FMN1: variants seen among roughly 807,000 people sequenced by gnomAD.
FMN1 encodes the protein formin 1, also known as formin-1.
A neutral mutation model predicts 132.4 loss-of-function variants in FMN1; 110 were observed. That is an observed-to-expected ratio of 0.83 (90% CI 0.71 to 0.97). The LOEUF (loss-of-function observed/expected upper bound fraction) is 0.97. Ranked by LOEUF, FMN1 falls within the 50% of genes least tolerant of loss-of-function variation. The pLI, the probability that FMN1 is intolerant of heterozygous loss-of-function variation, is 0.00. For synonymous variants in FMN1, 722 were observed against 651.7 expected, an observed-to-expected ratio of 1.11 and a Z score of -1.64; for missense variants, 1,792 against 1,705.3, an observed-to-expected ratio of 1.05 and a Z score of -0.90.
At chr15:32,992,169 C>G (rs150803381) in intron 7 of FMN1, among the ~76,000 whole-genome samples, 236 of 152,196 alleles carry the variant, frequency 1.6e-3, no homozygotes, top group African/African-American at 5.4e-3. Flanking sequence ...TGTTTTATAG[C>G]AAAAGGAAAG....
intron 7 of FMN1, among the ~76,000 whole-genome samples, chr15:32,972,702 C>T (rs1163174278): frequency 2.6e-5 from 4 of 152,088 alleles, no homozygotes; most frequent in Non-Finnish European, 5.9e-5. Flanking sequence ...TTTTCCTTAT[C>T]ACACTATACA....
Position 32,798,934 on chromosome 15 carries a change from A to G in FMN1, c.4000T>C (p.Tyr1334His), listed in dbSNP as rs2057383957. ...CCAGACTTTGGCTTCATCCCAAAAT[A>G]TCGTACTGTTGTTTCAAAACTGCAA... ...AQKSFETTVR[Y>H]FGMKPKSGEK... Residue 1334 changes from tyrosine (Y) to histidine (H), a missense_variant, in exon 19 of 21, where the codon TAT (tyrosine) becomes CAT (histidine). Tyr to His is a moderately conservative substitution (Grantham distance 83). Transcript: ENST00000616417. The G allele has an allele frequency of 6.2e-7, 1 of 1,613,494 alleles. No individual in the cohort carries two copies. The highest frequency in any genetic ancestry group is 8.5e-7 in the Non-Finnish European group (1 of 1,179,750).
At chr15:32,889,047 G>T (rs966805158) in intron 15 of FMN1, among the ~76,000 whole-genome samples, 1 of 152,002 alleles carries the variant, frequency 6.6e-6, no homozygotes, top group African/African-American at 2.4e-5. Context: ...AGAGACGGGG[G>T]TCTCACCATG....
intron 4 of FMN1, among the ~76,000 whole-genome samples, chr15:33,143,289 C>T (rs1369240294): frequency 6.6e-6 from 1 of 152,114 alleles, no homozygotes; most frequent in Non-Finnish European, 1.5e-5. Context: ...ATAATAATCA[C>T]ATGATATGAC....
intron 4 of FMN1, among the ~76,000 whole-genome samples, chr15:33,127,265 C>T (rs1566940127): frequency 6.6e-6 from 1 of 152,134 alleles, no homozygotes; most frequent in African/African-American, 2.4e-5. Flanking sequence ...GATCTCCCTC[C>T]TTATTCTTCA....
At chr15:33,067,408 C>A (rs1472710154) in intron 5 of FMN1, 1 of 1,614,020 alleles carries the variant, frequency 6.2e-7, no homozygotes, top group African/African-American at 1.3e-5. Context: ...TGCTGCTTCC[C>A]TCCTCTGGCT....
At chr15:32,933,826 A>C (rs2061186582) in intron 9 of FMN1, among the ~76,000 whole-genome samples, 1 of 151,568 alleles carries the variant, frequency 6.6e-6, no homozygotes, top group South Asian at 2.1e-4. Context: ...TTTTAAATTA[A>C]CTCTTGGAAT....
intron 17 of FMN1, among the ~76,000 whole-genome samples, chr15:32,832,239 C>G (rs1364861257): frequency 1.3e-5 from 2 of 152,192 alleles, no homozygotes; most frequent in African/African-American, 2.4e-5. Flanking sequence ...AACATTGACC[C>G]TTCTCAAAGC....
intron 9 of FMN1, among the ~76,000 whole-genome samples, chr15:32,938,758 A>C (rs2061335869): frequency 6.6e-6 from 1 of 152,194 alleles, no homozygotes; most frequent in Non-Finnish European, 1.5e-5. Context: ...TTTAGGTATT[A>C]CCAATTTTAA....
At chr15:33,021,427 T>TTC (rs575622577) in intron 6 of FMN1, among the ~76,000 whole-genome samples, 4 of 151,836 alleles carry the variant, frequency 2.6e-5, no homozygotes, top group Non-Finnish European at 4.4e-5. Context: ...TCTCACCAAC[T>TTC]TCTCTCTCTC....
intron 7 of FMN1, among the ~76,000 whole-genome samples, chr15:32,981,549 T>TA (rs1231902908): frequency 2.8e-5 from 4 of 140,424 alleles, no homozygotes; most frequent in Non-Finnish European, 6.1e-5. Flanking sequence ...TAATAATTAT[T>TA]ATTATTATTA....
chr15:33,155,877 G>A (rs550036265), intron 3 of FMN1, among the ~76,000 whole-genome samples: 140 of 152,228 alleles, frequency 9.2e-4, no homozygotes, highest in African/African-American at 3.1e-3. Flanking sequence ...CCTCAGAAAT[G>A]TCTCTGTGGC....
intron 5 of FMN1, among the ~76,000 whole-genome samples, chr15:33,088,390 A>C (rs1365189997): frequency 6.6e-6 from 1 of 152,210 alleles, no homozygotes; most frequent in Non-Finnish European, 1.5e-5. Context: ...TGAATATGGA[A>C]GGAAGGCAGG....
At chr15:32,809,999 A>G (rs1361315055) in intron 17 of FMN1, among the ~76,000 whole-genome samples, 1 of 151,858 alleles carries the variant, frequency 6.6e-6, no homozygotes, top group Non-Finnish European at 1.5e-5. Context: ...AGCTCACTGC[A>G]ACCTCCATCT....
chr15:32,925,427 CA>C lies in FMN1; in HGVS notation c.3226+746del, dbSNP rs1242183802. The stretch of plus-strand genomic sequence containing the variant: ...CAGACAGTTTATAGAAAACAGGGGA[CA>C]GGGGAACATGATAAATAAAAACATA... On this transcript the variant is annotated intron_variant, in intron 10 of 20. Transcript: ENST00000616417. Among the ~76,000 whole-genome samples the C allele has an allele frequency of 3.9e-5, 6 of 152,150 alleles. No homozygotes were observed. In the Middle Eastern group the frequency reaches 0.01, roughly 259 times the overall value.
rs2141317612 is a variant in FMN1, at chr15:32,861,535, A to G, written c.3836-4428T>C. On this transcript the variant is annotated intron_variant, in intron 16 of 20. Transcript: ENST00000616417. ...TCCCGCAACACAGGCATGATATGAT[A>G]TTTAAGATAATACATACATAGTGAT... is the stretch of plus-strand genomic sequence containing the variant. Among the ~76,000 whole-genome samples, 2 of 152,340 alleles carry G rather than the reference A, an allele frequency of 1.3e-5. 1 individual carries two copies.
intron 7 of FMN1, among the ~76,000 whole-genome samples, chr15:32,986,349 C>CA (rs1466278470): frequency 1.3e-5 from 2 of 152,040 alleles, no homozygotes; most frequent in Non-Finnish European, 2.9e-5. Context: ...GAGTAACAAG[C>CA]AAATTCTAAA....
chr15:33,127,700 C>T (rs190793681), intron 4 of FMN1, among the ~76,000 whole-genome samples: 3 of 152,314 alleles, frequency 2.0e-5, no homozygotes, highest in Non-Finnish European at 4.4e-5. Flanking sequence ...TGGACGTAAG[C>T]TATGCTGAAC....
At position 32,962,765 on chromosome 15, in the gene FMN1, G is replaced by A. The variant is rs1010905789; in HGVS notation, c.3138+1342C>T. Reference sequence around the variant, plus strand: ...AAATGCTCACCATCACTGGCCATCAGAGAAATGCAAATCAAAACCACAATG... The same window carrying A: ...AAATGCTCACCATCACTGGCCATCAAAGAAATGCAAATCAAAACCACAATG... On this transcript the variant is annotated intron_variant, in intron 9 of 20. Transcript: ENST00000616417. Among the ~76,000 whole-genome samples the A allele has an allele frequency of 3.3e-3, 499 of 151,450 alleles. 1 individual carries two copies. The highest frequency in any genetic ancestry group is 0.01 in the Middle Eastern group (3 of 290).
Sources: allele counts gnomAD v4.1 joint callset (sites outside exome capture counted in the v4.1 genomes callset), GRCh38; gene constraint gnomAD v4.1.1; transcripts MANE v1.5; gene names NCBI Gene and HGNC (gene_info 2026-07-23, HGNC 2026-07-21).